NBAS: variants seen among roughly 807,000 people sequenced by gnomAD.
NBAS encodes NAG/BC035112 fusion.
A neutral mutation model predicts 302.5 loss-of-function variants in NBAS; 219 were observed. The observed-to-expected ratio is 0.72, with a 90% CI of 0.65 to 0.81. NBAS has a LOEUF of 0.81. Among genes scored for constraint, NBAS ranks in the 30% least tolerant of loss-of-function variants. The probability of loss-of-function intolerance (pLI) is 0.00; values close to 1 mark genes in which losing one functional copy is unlikely to be tolerated. For missense variants in NBAS, 2,932 were observed against 2,841.6 expected (o/e 1.03, Z -0.72); for synonymous variants, 1,118 against 1,021.6 (o/e 1.09, Z -1.80).
chr2:14,910,127 T>C, the NBAS span, among the ~76,000 whole-genome samples: 1 of 152,112 alleles, frequency 6.6e-6, no homozygotes, highest in Non-Finnish European at 1.5e-5. Flanking sequence ...CTGAGGTTCA[T>C]AAAAATATCA....
At chr2:15,120,065 C>G in the NBAS span, among the ~76,000 whole-genome samples, 8 of 152,074 alleles carry the variant, frequency 5.3e-5, no homozygotes, top group Non-Finnish European at 1.2e-4. Context: ...TATTCCAAAC[C>G]AAATGTGAGG....
chr2:14,794,849 A>T, the NBAS span, among the ~76,000 whole-genome samples: 1 of 152,196 alleles, frequency 6.6e-6, no homozygotes, highest in Non-Finnish European at 1.5e-5. Flanking sequence ...AATAAATGTA[A>T]TTCTATAGTA....
At chr2:15,440,708 G>A (rs556247361) in intron 21 of NBAS, among the ~76,000 whole-genome samples, 10 of 152,242 alleles carry the variant, frequency 6.6e-5, no homozygotes, top group South Asian at 2.1e-4. Context: ...CAACTACTCC[G>A]AGCTACAGGA....
At chr2:15,478,171 T>C (rs1680269594) in intron 13 of NBAS, 55 bp downstream of exon 13, 1 of 1,181,732 alleles carries the variant, frequency 8.5e-7, no homozygotes, top group African/African-American at 1.5e-5. Context: ...AAGAGAATCT[T>C]GTATAATAAT....
intron 21 of NBAS, among the ~76,000 whole-genome samples, chr2:15,457,462 C>T (rs1679298736): frequency 1.3e-5 from 2 of 152,108 alleles, no homozygotes; most frequent in South Asian, 2.1e-4. Flanking sequence ...TTCAGCATTG[C>T]TATTGACGAG....
chr2:15,232,294 G>C (rs1374488143), intron 47 of NBAS, 128 bp downstream of exon 47: 1 of 825,228 alleles, frequency 1.2e-6, no homozygotes, highest in East Asian at 2.7e-5. Flanking sequence ...TCCAAGTGCA[G>C]AGCCGCTCCT....
intron 50 of NBAS, among the ~76,000 whole-genome samples, chr2:15,182,413 A>C (rs183855203): frequency 7.9e-5 from 12 of 152,318 alleles, no homozygotes; most frequent in African/African-American, 2.2e-4. Flanking sequence ...GCATAACTTG[A>C]CTGATTCTAA....
the NBAS span, among the ~76,000 whole-genome samples, chr2:14,806,348 T>C: frequency 6.6e-6 from 1 of 152,224 alleles, no homozygotes; most frequent in African/African-American, 2.4e-5. Flanking sequence ...TGTGTGAATA[T>C]GTGCATATCT....
intron 28 of NBAS, among the ~76,000 whole-genome samples, chr2:15,385,799 G>T (rs1249452995): frequency 6.6e-6 from 1 of 152,026 alleles, no homozygotes; most frequent in Non-Finnish European, 1.5e-5. Context: ...GTGAAAACAG[G>T]CATCACATTC....
the NBAS span, among the ~76,000 whole-genome samples, chr2:14,785,101 C>A: frequency 1.6e-3 from 248 of 152,230 alleles, 1 homozygote; most frequent in African/African-American, 4.6e-3. Flanking sequence ...GGAGTTCACT[C>A]TTGATTTGGC....
chr2:15,293,267 G>C (rs1233478389), intron 40 of NBAS, among the ~76,000 whole-genome samples: 2 of 152,076 alleles, frequency 1.3e-5, no homozygotes, highest in Admixed American at 1.3e-4. Flanking sequence ...TTTCTCCAGG[G>C]ATAAGTTCGG....
the NBAS span, among the ~76,000 whole-genome samples, chr2:15,095,986 C>T: frequency 2.0e-5 from 3 of 152,182 alleles, no homozygotes; most frequent in Admixed American, 2.0e-4. Flanking sequence ...CAGAGCCACC[C>T]CCAGCCCAGG....
chr2:15,448,636 C>T (rs1375256718), intron 21 of NBAS, among the ~76,000 whole-genome samples: 1 of 152,098 alleles, frequency 6.6e-6, no homozygotes, highest in Non-Finnish European at 1.5e-5. Context: ...TTTCACAGTT[C>T]CTATTACATG....
chr2:14,986,383 G>C, the NBAS span, among the ~76,000 whole-genome samples: 1 of 152,034 alleles, frequency 6.6e-6, no homozygotes, highest in Non-Finnish European at 1.5e-5. Flanking sequence ...CCGAGTATAA[G>C]GTTGTTAAAC....
rs140961087 is a variant in NBAS, at chr2:15,387,946, T to C, written c.3258-4629A>G. Among the ~76,000 whole-genome samples, 7 of 152,280 alleles carry C rather than the reference T, an allele frequency of 4.6e-5. No individual in the cohort carries two copies. The East Asian group carries it at 1.4e-3, about 29-fold the overall frequency. On this transcript the variant is annotated intron_variant, in intron 28 of 51. Transcript: ENST00000281513. ...CACTGTGCCTGGCCCATTCACCAAA[T>C]CTTTATTAAGCAACACAGTAAATAT...
At chr2:15,042,967 A>G in the NBAS span, among the ~76,000 whole-genome samples, 18 of 152,290 alleles carry the variant, frequency 1.2e-4, no homozygotes, top group South Asian at 3.5e-3. Context: ...AGCCATACAC[A>G]ACAACATTAA....
intron 28 of NBAS, among the ~76,000 whole-genome samples, chr2:15,390,542 C>T (rs932081500): frequency 6.6e-6 from 1 of 152,034 alleles, no homozygotes; most frequent in African/African-American, 2.4e-5. Flanking sequence ...GAGAACTATA[C>T]GTAATAAAAT....
At chr2:15,475,941 AT>A in intron 13 of NBAS, 61 bp from the exon 14 acceptor site, 1 of 1,303,944 alleles carries the variant, frequency 7.7e-7, no homozygotes, top group Non-Finnish European at 1.1e-6. Flanking sequence ...AATTCAAAAT[AT>A]TTAGTATAAT....
At chr2:14,874,553 T>C in the NBAS span, among the ~76,000 whole-genome samples, 8 of 148,752 alleles carry the variant, frequency 5.4e-5, no homozygotes, top group East Asian at 3.9e-4. Context: ...GGCAGGAGAA[T>C]GGCGTGAATC....
Sources: allele counts gnomAD v4.1 joint callset (sites outside exome capture counted in the v4.1 genomes callset), GRCh38; gene constraint gnomAD v4.1.1; transcripts MANE v1.5; gene names NCBI Gene and HGNC (gene_info 2026-07-23, HGNC 2026-07-21).